Variants in PRDM5 observed in about 807,000 individuals in gnomAD.
PRDM5 encodes PR domain zinc finger protein 5.
Under a neutral mutation model 81.2 loss-of-function variants are expected in PRDM5, and 56 were observed. The ratio of observed to expected loss-of-function variants is 0.69; its 90% CI spans 0.56 to 0.86. The LOEUF (loss-of-function observed/expected upper bound fraction) is 0.86. Ranked by LOEUF, PRDM5 falls within the 40% of genes least tolerant of loss-of-function variation. The probability of loss-of-function intolerance (pLI) is 0.00; values close to 1 mark genes in which losing one functional copy is unlikely to be tolerated. For synonymous variants in PRDM5, 267 were observed against 256.4 expected, an observed-to-expected ratio of 1.04 and a Z score of -0.39; for missense variants, 697 against 770.1, an observed-to-expected ratio of 0.91 and a Z score of 1.12.
At chr4:120,843,756 A>G (rs1304991840) in intron 3 of PRDM5, among the ~76,000 whole-genome samples, 1 of 152,186 alleles carries the variant, frequency 6.6e-6, no homozygotes, top group Admixed American at 6.5e-5. Flanking sequence ...TTCTTCTTTA[A>G]AAAAGCTGAA....
chr4:120,791,062 T>C (rs1484892130), intron 10 of PRDM5, among the ~76,000 whole-genome samples: 2 of 152,314 alleles, frequency 1.3e-5, no homozygotes, highest in South Asian at 2.1e-4. Context: ...AAATGAAATA[T>C]TGGTGAAGAG....
chr4:120,768,382 T>C (rs1746716086), intron 13 of PRDM5, among the ~76,000 whole-genome samples: 1 of 152,174 alleles, frequency 6.6e-6, no homozygotes, highest in African/African-American at 2.4e-5. Context: ...GCTGAATCCT[T>C]TCAATGGCCG....
At chr4:120,757,166 A>T (rs1744865728) in intron 13 of PRDM5, among the ~76,000 whole-genome samples, 1 of 152,242 alleles carries the variant, frequency 6.6e-6, no homozygotes, top group Admixed American at 6.5e-5. Flanking sequence ...AAGGGAACAT[A>T]ATAAATCCAT....
chr4:120,917,331 T>C (rs1240721225), intron 1 of PRDM5, among the ~76,000 whole-genome samples: 1 of 152,150 alleles, frequency 6.6e-6, no homozygotes, highest in Non-Finnish European at 1.5e-5. Flanking sequence ...CTCTCCTGTT[T>C]AGTGAGGATT....
At chr4:120,816,397 G>C (rs764175410) in intron 7 of PRDM5, 56 bp downstream of exon 7, 1 of 1,613,484 alleles carries the variant, frequency 6.2e-7, no homozygotes, top group South Asian at 1.1e-5. Context: ...AAAACAGATC[G>C]CTGCAGCCTG....
At chr4:120,733,600 T>C (rs1740597431) in intron 14 of PRDM5, among the ~76,000 whole-genome samples, 1 of 152,220 alleles carries the variant, frequency 6.6e-6, no homozygotes, top group South Asian at 2.1e-4. Flanking sequence ...CATGGTTCTC[T>C]TTCACTGTAA....
intron 14 of PRDM5, among the ~76,000 whole-genome samples, chr4:120,742,487 C>T (rs1387067030): frequency 1.3e-5 from 2 of 152,056 alleles, no homozygotes; most frequent in African/African-American, 4.8e-5. Context: ...CTCTGAGCTA[C>T]AGGAGGACAT....
chr4:120,853,227 C>T (rs1241932249), intron 3 of PRDM5, among the ~76,000 whole-genome samples, 191 bp downstream of exon 3: 1 of 152,058 alleles, frequency 6.6e-6, no homozygotes, highest in Admixed American at 6.6e-5. Context: ...AAAGTAAGTA[C>T]CCTGGTGTTA....
chr4:120,781,427 T>G, intron 11 of PRDM5, 124 bp from the exon 12 acceptor site: 1 of 864,536 alleles, frequency 1.2e-6, no homozygotes, highest in Non-Finnish European at 1.9e-6. Flanking sequence ...TGTTAACTTT[T>G]TATTTTTTAC....
At chr4:120,754,510 T>A in intron 14 of PRDM5, 43 bp downstream of exon 14, 1 of 1,341,342 alleles carries the variant, frequency 7.5e-7, no homozygotes, top group East Asian at 2.3e-5. Context: ...AAAATAAGTA[T>A]GGTTTTCATG....
intron 3 of PRDM5, 123 bp downstream of exon 3, chr4:120,853,295 T>A: frequency 6.9e-7 from 1 of 1,442,544 alleles, no homozygotes; most frequent in Non-Finnish European, 9.7e-7. Context: ...TTTCTCTGCT[T>A]TTATGAGTTA....
intron 7 of PRDM5, 114 bp downstream of exon 7, chr4:120,816,339 T>G: frequency 1.9e-6 from 3 of 1,561,348 alleles, no homozygotes; most frequent in Non-Finnish European, 2.6e-6. Context: ...TCCACATCTG[T>G]GTGAAACACA....
intron 14 of PRDM5, among the ~76,000 whole-genome samples, chr4:120,737,595 A>C (rs112405512): frequency 6.6e-5 from 10 of 152,346 alleles, no homozygotes; most frequent in African/African-American, 2.2e-4. Flanking sequence ...GTGACACTAC[A>C]GCTGCTGGCA....
chr4:120,884,023 A>T (rs986381960), intron 2 of PRDM5, among the ~76,000 whole-genome samples: 7 of 152,202 alleles, frequency 4.6e-5, no homozygotes, highest in African/African-American at 1.7e-4. Context: ...CTGCTATGAA[A>T]AATTCACAAA....
rs569251418 is a variant in PRDM5 at position 120,903,733 on chromosome 4, C to A, written c.177+3741G>T. Among the ~76,000 whole-genome samples the A allele has an allele frequency of 2.6e-5, 4 of 152,272 alleles. No individual in the cohort carries two copies. The East Asian group carries it at 5.8e-4, about 22-fold the overall frequency. On this transcript the variant is annotated intron_variant, in intron 2 of 15. Transcript: ENST00000264808. Reference sequence around the variant, plus strand: ...GGGGCAGTTTACCCAATACTGTTCTCGTGGTAGTGAATAAGTTTTACAAGG... The same window carrying A: ...GGGGCAGTTTACCCAATACTGTTCTAGTGGTAGTGAATAAGTTTTACAAGG...
At chr4:120,917,275 A>G (rs1724292832) in intron 1 of PRDM5, among the ~76,000 whole-genome samples, 1 of 152,016 alleles carries the variant, frequency 6.6e-6, no homozygotes, top group Admixed American at 6.6e-5. Context: ...TCCCGTAGAT[A>G]TATGTTTGGC....
chr4:120,877,251 A>C (rs1023225601), intron 2 of PRDM5, among the ~76,000 whole-genome samples: 10 of 152,200 alleles, frequency 6.6e-5, no homozygotes, highest in Admixed American at 6.5e-5. Flanking sequence ...AACACAAGTG[A>C]CCTTTAGAGT....
intron 3 of PRDM5, 132 bp downstream of exon 3, chr4:120,853,286 T>C: frequency 7.3e-7 from 1 of 1,369,266 alleles, no homozygotes; most frequent in Non-Finnish European, 1.0e-6. Context: ...TAGATGAGAT[T>C]TCTCTGCTTT....
chr4:120,708,366 T>G (rs1009899859), intron 15 of PRDM5, among the ~76,000 whole-genome samples: 1 of 152,180 alleles, frequency 6.6e-6, no homozygotes, highest in Non-Finnish European at 1.5e-5. Flanking sequence ...GAGAACATTA[T>G]GCTTAATGAA....
Sources: allele counts gnomAD v4.1 joint callset (sites outside exome capture counted in the v4.1 genomes callset), GRCh38; gene constraint gnomAD v4.1.1; transcripts MANE v1.5; gene names NCBI Gene and HGNC (gene_info 2026-07-23, HGNC 2026-07-21).